GNAQ: variants seen among roughly 807,000 people sequenced by gnomAD.
GNAQ encodes the protein G protein subunit alpha q.
In GNAQ, 8 loss-of-function variants were observed where a neutral mutation model predicts 43.9. The observed-to-expected ratio is 0.18, with a 90% confidence interval of 0.11 to 0.33. The LOEUF is 0.33. Among genes scored for constraint, GNAQ ranks in the 10% least tolerant of loss-of-function variants. The probability of loss-of-function intolerance (pLI) is 1.00; values close to 1 mark genes in which losing one functional copy is unlikely to be tolerated. For missense variants in GNAQ, 158 were observed against 450.8 expected (o/e 0.35, Z 5.88); for synonymous variants, 155 against 170.7 (o/e 0.91, Z 0.71).
intron 1 of GNAQ, among the ~76,000 whole-genome samples, chr9:78,003,800 A>G (rs1258517136): frequency 6.6e-6 from 1 of 150,448 alleles, no homozygotes; most frequent in Non-Finnish European, 1.5e-5. Flanking sequence ...TGGGCTTTAG[A>G]GCAAGACTGT....
intron 2 of GNAQ, among the ~76,000 whole-genome samples, chr9:77,881,394 T>G (rs1383444637): frequency 6.6e-6 from 1 of 152,206 alleles, no homozygotes; most frequent in Admixed American, 6.5e-5. Flanking sequence ...ATTATTATTT[T>G]AAGAGACAGG....
rs77720802 is a variant in GNAQ at position 78,009,446 on chromosome 9, C to T, written c.136+21654G>A. Among the ~76,000 whole-genome samples the T allele has an allele frequency of 1.6e-4, 24 of 152,270 alleles. No individual in the cohort carries two copies. In the East Asian group the frequency reaches 4.6e-3, roughly 29 times the overall value. ...GTCCCTCTCTCTTGATTTCTCTATTCCCTTTTATACCAACACAAGTGGTGA... is the reference window on the plus strand; with the variant it reads ...GTCCCTCTCTCTTGATTTCTCTATTTCCTTTTATACCAACACAAGTGGTGA... On this transcript the variant is annotated intron_variant, in intron 1 of 6. Coordinates refer to ENST00000286548, the MANE Select transcript of GNAQ (RefSeq NM_002072.5).
At chr9:77,911,401 G>A (rs755229196) in intron 2 of GNAQ, among the ~76,000 whole-genome samples, 37 of 152,134 alleles carry the variant, frequency 2.4e-4, no homozygotes, top group Non-Finnish European at 4.1e-4. Flanking sequence ...TTGCACCTGT[G>A]CTTAATGCCC....
At chr9:77,940,707 C>T (rs1269973140) in intron 1 of GNAQ, among the ~76,000 whole-genome samples, 3 of 152,168 alleles carry the variant, frequency 2.0e-5, no homozygotes, top group Admixed American at 2.0e-4. Context: ...GTGGCTCACG[C>T]CTGTAATCCC....
chr9:77,805,016 T>C lies in GNAQ; in HGVS notation c.477-7368A>G, dbSNP rs180921222. On this transcript the variant is annotated intron_variant, in intron 3 of 6. Transcript: ENST00000286548. The stretch of plus-strand genomic sequence containing the variant: ...AAGAGAAATCAGAAACACACAGTTA[T>C]CGTGCAGTTGCTATATGACCACAAA... Among the ~76,000 whole-genome samples, 217 of 152,192 alleles carry C rather than the reference T, an allele frequency of 1.4e-3. 3 individuals carry two copies. The highest frequency in any genetic ancestry group is 5.0e-3 in the African/African-American group (208 of 41,522).
At chr9:77,969,844 TG>T (rs1331259204) in intron 1 of GNAQ, among the ~76,000 whole-genome samples, 1 of 152,220 alleles carries the variant, frequency 6.6e-6, no homozygotes. Flanking sequence ...ATTTCAGGCA[TG>T]CATTCCGTAG....
intron 5 of GNAQ, among the ~76,000 whole-genome samples, chr9:77,764,521 T>A (rs1176890773): frequency 6.6e-6 from 1 of 151,860 alleles, no homozygotes. Context: ...AGTGGCGCGA[T>A]CTCAGCTCAC....
At chr9:77,834,794 A>G (rs549513674) in intron 2 of GNAQ, among the ~76,000 whole-genome samples, 3 of 152,258 alleles carry the variant, frequency 2.0e-5, no homozygotes, top group South Asian at 4.1e-4. Flanking sequence ...CTCCAAAGAG[A>G]CAAAACCCTA....
chr9:77,931,990 G>A (rs905391724), intron 1 of GNAQ, among the ~76,000 whole-genome samples: 1 of 152,124 alleles, frequency 6.6e-6, no homozygotes, highest in Admixed American at 6.6e-5. Context: ...GTAGTCAAGA[G>A]AAATAATATT....
chr9:77,984,485 T>A (rs1219646770), intron 1 of GNAQ, among the ~76,000 whole-genome samples: 1 of 152,160 alleles, frequency 6.6e-6, no homozygotes, highest in African/African-American at 2.4e-5. Context: ...ACTGTGTTTA[T>A]TCTTAACTGC....
intron 1 of GNAQ, among the ~76,000 whole-genome samples, chr9:78,008,820 T>C (rs1031746675): frequency 6.6e-6 from 1 of 152,196 alleles, no homozygotes; most frequent in Non-Finnish European, 1.5e-5. Context: ...GGTTTCACCG[T>C]GTTAACCAGG....
At chr9:78,016,877 C>T (rs1823845831) in intron 1 of GNAQ, among the ~76,000 whole-genome samples, 1 of 152,072 alleles carries the variant, frequency 6.6e-6, no homozygotes. Context: ...ATAAACACAA[C>T]AAAGACATGT....
intron 5 of GNAQ, among the ~76,000 whole-genome samples, chr9:77,792,948 T>C (rs1826599144): frequency 6.6e-6 from 1 of 152,052 alleles, no homozygotes; most frequent in African/African-American, 2.4e-5. Flanking sequence ...GCAGAGTTGA[T>C]TTTTTTCCCC....
chr9:77,789,857 G>A (rs949332352), intron 5 of GNAQ, among the ~76,000 whole-genome samples: 1 of 152,046 alleles, frequency 6.6e-6, no homozygotes, highest in African/African-American at 2.4e-5. Context: ...ACTAACTCCA[G>A]GTCTCTGGTT....
intron 1 of GNAQ, 133 bp downstream of exon 1, chr9:78,030,966 CG>C (rs937602011): frequency 1.2e-5 from 6 of 491,504 alleles, no homozygotes; most frequent in East Asian, 7.9e-5. Flanking sequence ...AGGCAGTGGC[CG>C]GGGGCGCGCC....
intron 6 of GNAQ, 59 bp from the exon 7 acceptor site, chr9:77,721,572 A>G (rs576775511): frequency 2.0e-6 from 2 of 983,834 alleles, no homozygotes; most frequent in South Asian, 1.4e-5. Flanking sequence ...GTATTCAATC[A>G]TCATTGGTTC....
At chr9:77,880,385 T>C (rs1219044746) in intron 2 of GNAQ, among the ~76,000 whole-genome samples, 1 of 152,124 alleles carries the variant, frequency 6.6e-6, no homozygotes, top group African/African-American at 2.4e-5. Flanking sequence ...TTTCTTTTCT[T>C]TTTTAGAAAC....
chr9:77,741,405 TC>T (rs1261489224), intron 5 of GNAQ, among the ~76,000 whole-genome samples: 3 of 152,230 alleles, frequency 2.0e-5, no homozygotes, highest in Non-Finnish European at 4.4e-5. Context: ...AAGTAAGGTC[TC>T]CCCCGATAAA....
intron 2 of GNAQ, among the ~76,000 whole-genome samples, chr9:77,892,366 A>G (rs1370056223): frequency 6.6e-6 from 1 of 152,208 alleles, no homozygotes; most frequent in East Asian, 1.9e-4. Context: ...CTCTGCCCAC[A>G]ACCACTGCAA....
Sources: gnomAD v4.1 joint callset for allele counts (sites outside exome capture counted in the v4.1 genomes callset) on GRCh38, gnomAD v4.1.1 for gene constraint, MANE v1.5 for transcripts, NCBI Gene and HGNC (gene_info 2026-07-23, HGNC 2026-07-21) for gene names.